Variants in PAPSS1 observed in about 807,000 individuals in gnomAD.
The protein encoded by PAPSS1 is 3'-phosphoadenosine 5'-phosphosulfate synthase 1, also known as bifunctional 3'-phosphoadenosine 5'-phosphosulfate synthase 1.
PAPSS1 carries 50 observed loss-of-function variants against 72.0 expected under a neutral mutation model. That is an observed-to-expected ratio of 0.69 (90% CI 0.55 to 0.88). The LOEUF is 0.88. PAPSS1 is among the 40% of genes least tolerant of loss of function. PAPSS1 has a pLI of 0.00. For synonymous variants in PAPSS1, 261 were observed against 263.6 expected (o/e 0.99, Z 0.09); for missense variants, 657 against 782.2 (o/e 0.84, Z 1.91).
chr4:107,686,453 C>T (rs13142860), intron 4 of PAPSS1, among the ~76,000 whole-genome samples: 119,976 of 152,158 alleles, frequency 0.79, 50,740 homozygotes, highest in South Asian at 0.95. Flanking sequence ...TTATTTTATA[C>T]TGTTTCTTCT....
intron 5 of PAPSS1, among the ~76,000 whole-genome samples, chr4:107,674,711 C>A (rs1281493940): frequency 6.6e-6 from 1 of 152,028 alleles, no homozygotes; most frequent in African/African-American, 2.4e-5. Flanking sequence ...ACTCTCCACC[C>A]CAAATCAACA....
chr4:107,671,230 T>G (rs1727458730), intron 5 of PAPSS1, among the ~76,000 whole-genome samples: 1 of 150,298 alleles, frequency 6.7e-6, no homozygotes, highest in Admixed American at 6.6e-5. Context: ...AAAAAATAAG[T>G]GAAGAGCTGC....
At chr4:107,704,014 AT>A (rs1270114888) in intron 1 of PAPSS1, among the ~76,000 whole-genome samples, 1 of 151,824 alleles carries the variant, frequency 6.6e-6, no homozygotes, top group African/African-American at 2.4e-5. Context: ...TCTGTCTTCA[AT>A]TTTTTTCATC....
At chr4:107,614,507 T>A in intron 11 of PAPSS1, 120 bp from the exon 12 acceptor site, 1 of 649,402 alleles carries the variant, frequency 1.5e-6, no homozygotes, top group Non-Finnish European at 2.5e-6. Context: ...CTGAACATAG[T>A]ACTTGTGAAT....
At chr4:107,626,278 G>A (rs1224965631) in intron 11 of PAPSS1, among the ~76,000 whole-genome samples, 3 of 151,840 alleles carry the variant, frequency 2.0e-5, no homozygotes, top group Admixed American at 2.0e-4. Context: ...ATGTCCACCT[G>A]CCCATTCATT....
intron 2 of PAPSS1, among the ~76,000 whole-genome samples, chr4:107,697,565 ATGTTT>A: frequency 6.6e-6 from 1 of 152,358 alleles, no homozygotes; most frequent in Non-Finnish European, 1.5e-5. Flanking sequence ...GTGTATTTAT[ATGTTT>A]TAAGTGCATA....
rs764115784 is a variant in PAPSS1 at position 107,614,309 on chromosome 4, G to A, written c.1815C>T (p.Phe605=). Residue 605 remains phenylalanine (F), a synonymous_variant, in exon 12 of 12, where the codon TTC becomes TTT. Transcript: ENST00000265174. ...AREGQKPPEG[F]MAPKAWTVLT... ...GCACGGTCCAAGCCTTGGGAGCCATGAAACCTTCAGGTGGTTTCTGGCCTT... is the reference window on the plus strand; with the variant it reads ...GCACGGTCCAAGCCTTGGGAGCCATAAAACCTTCAGGTGGTTTCTGGCCTT... 1 of 1,614,012 alleles carries A rather than the reference G, an allele frequency of 6.2e-7. No individual in the cohort carries two copies. The highest frequency in any genetic ancestry group is 8.5e-7 in the Non-Finnish European group (1 of 1,179,872).
rs111910748 is a variant in PAPSS1, at chr4:107,679,820, A to G, written c.669+2195T>C. Among the ~76,000 whole-genome samples, 1,023 of 152,216 alleles carry G rather than the reference A, an allele frequency of 6.7e-3. 12 individuals carry two copies. Among genetic ancestry groups the G allele is most frequent in the African/African-American group, 0.022 (911 of 41,520 alleles). ...AGGACTTTTTAACTGGGATTAAGTT[A>G]AAGGATCTAATGAAAAAGTGGACAG... On this transcript the variant is annotated intron_variant, in intron 5 of 11. Coordinates refer to ENST00000265174, the MANE Select transcript of PAPSS1 (RefSeq NM_005443.5).
At chr4:107,664,443 G>C (rs1727264038) in intron 5 of PAPSS1, among the ~76,000 whole-genome samples, 1 of 152,104 alleles carries the variant, frequency 6.6e-6, no homozygotes, top group Non-Finnish European at 1.5e-5. Flanking sequence ...AGCTCACAAA[G>C]ACTGAAGACC....
At chr4:107,652,705 T>C (rs113094608) in intron 9 of PAPSS1, among the ~76,000 whole-genome samples, 15 of 152,302 alleles carry the variant, frequency 9.8e-5, no homozygotes, top group Middle Eastern at 3.4e-3. Flanking sequence ...ATAAATGACA[T>C]TGATATATTG....
chr4:107,705,769 G>A (rs1723325067), intron 1 of PAPSS1, among the ~76,000 whole-genome samples: 1 of 152,182 alleles, frequency 6.6e-6, no homozygotes, highest in South Asian at 2.1e-4. Flanking sequence ...TTTTACCAGT[G>A]AGTTTTATAC....
chr4:107,703,399 T>C (rs543991871), intron 1 of PAPSS1, among the ~76,000 whole-genome samples: 183 of 123,594 alleles, frequency 1.5e-3, no homozygotes, highest in Non-Finnish European at 2.4e-3. Flanking sequence ...TTGCTTGTAC[T>C]TTTGGAGTCA....
rs3083966 is a variant in PAPSS1, at chr4:107,634,797, A to ATT, written c.1507-2939_1507-2938dup. Among the ~76,000 whole-genome samples, 601 of 115,974 alleles carry ATT rather than the reference A, an allele frequency of 5.2e-3. 35 individuals carry two copies. Among genetic ancestry groups the ATT allele is most frequent in the African/African-American group, 0.011 (300 of 27,732 alleles). The allele number at this position is 115,974 out of a possible 152,430, so 76.1% of individuals were successfully genotyped here. On this transcript the variant is annotated intron_variant, in intron 10 of 11. Coordinates refer to ENST00000265174, the MANE Select transcript of PAPSS1 (RefSeq NM_005443.5). ...CTAAAATTTCTACAATATTCTAGAC[A>ATT]TTTTTTTTTTTTTTTTTTTTGAGAT...
intron 10 of PAPSS1, among the ~76,000 whole-genome samples, chr4:107,638,926 A>C (rs1227275103): frequency 2.0e-5 from 3 of 152,214 alleles, no homozygotes; most frequent in Non-Finnish European, 4.4e-5. Flanking sequence ...TAGCTGCAAA[A>C]TGAACTAGTG....
Position 107,676,218 on chromosome 4 carries a change from C to G in PAPSS1, c.669+5797G>C, listed in dbSNP as rs565931260. Among the ~76,000 whole-genome samples the G allele has an allele frequency of 3.5e-3, 538 of 152,160 alleles. 4 individuals are homozygous for G. The highest frequency in any genetic ancestry group is 0.012 in the African/African-American group (509 of 41,496). On this transcript the variant is annotated intron_variant, in intron 5 of 11. Transcript: ENST00000265174. ...GCAGGAGAAGGAAATAAAGGGCATT[C>G]AATTAGGAAAAGAGGAAGTCAAATT...
intron 1 of PAPSS1, among the ~76,000 whole-genome samples, chr4:107,707,086 T>C (rs1578436515): frequency 1.3e-5 from 2 of 152,176 alleles, no homozygotes; most frequent in South Asian, 2.1e-4. Flanking sequence ...CTGAGATGTA[T>C]TGGGATGGTC....
chr4:107,712,411 G>C (rs1049420449), intron 1 of PAPSS1, among the ~76,000 whole-genome samples: 2 of 152,156 alleles, frequency 1.3e-5, no homozygotes, highest in Non-Finnish European at 2.9e-5. Context: ...CACATACAAG[G>C]GAGGTTCAGA....
At chr4:107,687,212 AATCACAAACGTACTAT>A (rs1722810507) in intron 3 of PAPSS1, 35 bp from the exon 4 acceptor site, 1 of 1,507,260 alleles carries the variant, frequency 6.6e-7, no homozygotes, top group Non-Finnish European at 8.9e-7. Flanking sequence ...TGATCACACA[AATCACAAACGTACTAT>A]ATTAATATTA....
At chr4:107,668,381 C>T (rs1727375736) in intron 5 of PAPSS1, among the ~76,000 whole-genome samples, 1 of 152,158 alleles carries the variant, frequency 6.6e-6, no homozygotes, top group Non-Finnish European at 1.5e-5. Context: ...TGATGGTCTC[C>T]ATCTCTGCCT....
Sources: allele counts gnomAD v4.1 joint callset (sites outside exome capture counted in the v4.1 genomes callset), GRCh38; gene constraint gnomAD v4.1.1; transcripts MANE v1.5; gene names NCBI Gene and HGNC (gene_info 2026-07-23, HGNC 2026-07-21).